Variants in PDE3B observed in about 807,000 individuals in gnomAD.
The protein encoded by PDE3B is cGMP-inhibited 3',5'-cyclic phosphodiesterase 3B.
Under a neutral mutation model 116.8 loss-of-function variants are expected in PDE3B, and 66 were observed. That is an observed-to-expected ratio of 0.56 (90% CI 0.46 to 0.69). PDE3B has a LOEUF of 0.69. PDE3B is among the 30% of genes least tolerant of loss of function. PDE3B has a pLI of 0.00. For synonymous variants in PDE3B, 595 were observed against 533.6 expected (o/e 1.12, Z -1.59); for missense variants, 1,384 against 1,368.1 (o/e 1.01, Z -0.18).
At chr11:14,838,231 G>A (rs1433646936) in intron 11 of PDE3B, among the ~76,000 whole-genome samples, 6 of 151,864 alleles carry the variant, frequency 4.0e-5, no homozygotes, top group African/African-American at 1.5e-4. Flanking sequence ...TGCCCGCCTC[G>A]GCCTCCCAAA....
At chr11:14,714,577 C>T (rs1010216254) in intron 1 of PDE3B, among the ~76,000 whole-genome samples, 2 of 150,588 alleles carry the variant, frequency 1.3e-5, no homozygotes, top group Admixed American at 6.6e-5. Flanking sequence ...ATGTTTTATA[C>T]CCTCAGATTT....
intron 7 of PDE3B, among the ~76,000 whole-genome samples, chr11:14,826,109 C>T (rs541240387): frequency 1.3e-5 from 2 of 152,278 alleles, no homozygotes; most frequent in East Asian, 3.9e-4. Context: ...CTCTGGGACA[C>T]AGCCAAGGCA....
chr11:14,705,289 G>A (rs1855495192), intron 1 of PDE3B, among the ~76,000 whole-genome samples: 2 of 151,782 alleles, frequency 1.3e-5, no homozygotes, highest in South Asian at 4.1e-4. Flanking sequence ...TAAACAAATT[G>A]TGCTCTATCC....
chr11:14,694,481 G>A (rs1177273481), intron 1 of PDE3B, among the ~76,000 whole-genome samples: 1 of 152,130 alleles, frequency 6.6e-6, no homozygotes, highest in Non-Finnish European at 1.5e-5. Flanking sequence ...ATTGAGGCAA[G>A]ACCTCCCACC....
At chr11:14,706,522 G>C (rs540119825) in intron 1 of PDE3B, among the ~76,000 whole-genome samples, 1 of 151,866 alleles carries the variant, frequency 6.6e-6, no homozygotes, top group East Asian at 1.9e-4. Context: ...CGGGCACATA[G>C]TAACTACTCA....
intron 5 of PDE3B, among the ~76,000 whole-genome samples, chr11:14,814,490 C>T (rs1859252786): frequency 6.6e-6 from 1 of 152,040 alleles, no homozygotes; most frequent in African/African-American, 2.4e-5. Flanking sequence ...ACACCATTTA[C>T]CACAGCATCA....
chr11:14,836,695 C>T (rs540223128), intron 11 of PDE3B, among the ~76,000 whole-genome samples: 1 of 152,362 alleles, frequency 6.6e-6, no homozygotes, highest in East Asian at 1.9e-4. Flanking sequence ...AAAGGCTTCA[C>T]TGGAGTAAAA....
intron 1 of PDE3B, among the ~76,000 whole-genome samples, chr11:14,757,269 G>T (rs375508550): frequency 0.13 from 19,524 of 149,574 alleles, 1,436 homozygotes; most frequent in African/African-American, 0.2. Flanking sequence ...ACATACGTGT[G>T]CATGTGTCTT....
chr11:14,892,357 A>C, the PDE3B span: 1 of 712,770 alleles, frequency 1.4e-6, no homozygotes, highest in Non-Finnish European at 2.3e-6. Flanking sequence ...CCCCTTCGGG[A>C]CAACTACCTT....
intron 4 of PDE3B, among the ~76,000 whole-genome samples, chr11:14,797,781 T>C (rs56048134): frequency 0.13 from 20,148 of 152,194 alleles, 1,538 homozygotes; most frequent in African/African-American, 0.2. Context: ...ATTGATTTTT[T>C]ATCCTGACAC....
downstream of PDE3B, among the ~76,000 whole-genome samples, chr11:14,872,559 C>G (rs1555009229): frequency 6.6e-6 from 1 of 152,144 alleles, no homozygotes; most frequent in African/African-American, 2.4e-5. Flanking sequence ...GCCACTTAAA[C>G]TTTATTCCTA....
chr11:14,812,291 C>T (rs1019978215), intron 5 of PDE3B, among the ~76,000 whole-genome samples: 4 of 152,084 alleles, frequency 2.6e-5, no homozygotes, highest in Non-Finnish European at 2.9e-5. Context: ...TTAAAAAACA[C>T]GTAAGCATGT....
chr11:14,696,477 G>A (rs1452056551), intron 1 of PDE3B, among the ~76,000 whole-genome samples: 5 of 152,062 alleles, frequency 3.3e-5, no homozygotes, highest in African/African-American at 7.2e-5. Context: ...GAAGTCTTTC[G>A]CCATTCTGGG....
rs765686719 is a variant in PDE3B at position 14,832,851 on chromosome 11, T to C, written c.2206+18T>C. Reference sequence around the variant, plus strand: ...CATTCCTTGTAAGTATTAACATATTTTATTATTTAAGTTCAAATAATATGG... The same window carrying C: ...CATTCCTTGTAAGTATTAACATATTCTATTATTTAAGTTCAAATAATATGG... On this transcript the variant is annotated intron_variant, in intron 10 of 15. Coordinates refer to ENST00000282096, the MANE Select transcript of PDE3B (RefSeq NM_000922.4). 1 of 1,081,674 alleles carries C rather than the reference T, an allele frequency of 9.2e-7. No homozygotes were observed. The highest frequency in any genetic ancestry group is 1.4e-5 in the South Asian group (1 of 73,354). 67.0% of individuals were successfully genotyped at this position (1,081,674 alleles called of 1,614,324 possible). A position where few individuals can be genotyped will look rare whatever the true frequency, so the allele number is the denominator to read the frequency against.
the PDE3B span, among the ~76,000 whole-genome samples, chr11:14,890,220 G>GA: frequency 7.5e-4 from 111 of 147,342 alleles, no homozygotes; most frequent in Non-Finnish European, 1.1e-3. Flanking sequence ...TCACTACCGA[G>GA]AAAAAAAAAA....
downstream of PDE3B, among the ~76,000 whole-genome samples, chr11:14,874,037 C>CT (rs1244891294): frequency 1.3e-5 from 2 of 152,184 alleles, no homozygotes; most frequent in East Asian, 3.9e-4. Flanking sequence ...CTACCTATTT[C>CT]TTTTTGCATG....
Position 14,644,062 on chromosome 11 carries a change from C to T in PDE3B, c.-14C>T, listed in dbSNP as rs1853277677. The T allele has an allele frequency of 6.7e-7, 1 of 1,502,660 alleles. No homozygotes were observed. Among genetic ancestry groups the T allele is most frequent in the Non-Finnish European group, 8.8e-7 (1 of 1,136,840 alleles). 93.1% of individuals were successfully genotyped at this position (1,502,660 alleles called of 1,614,324 possible). The stretch of plus-strand genomic sequence containing the variant: ...GGGGTGTGCTGAGTCCCGTGGCCAC[C>T]CCCGGCCCCAGCCATGAGGAGGGAC... On this transcript the variant is annotated 5_prime_UTR_variant, in exon 1 of 16. Coordinates refer to ENST00000282096, the MANE Select transcript of PDE3B (RefSeq NM_000922.4).
intron 2 of PDE3B, among the ~76,000 whole-genome samples, chr11:14,778,000 G>A (rs1368502736): frequency 6.6e-6 from 1 of 152,142 alleles, no homozygotes. Flanking sequence ...CTTAGCAAAC[G>A]GCACACCAGG....
chr11:14,690,068 TACTC>T (rs1285130331), intron 1 of PDE3B, among the ~76,000 whole-genome samples: 1 of 152,190 alleles, frequency 6.6e-6, no homozygotes, highest in Non-Finnish European at 1.5e-5. Flanking sequence ...ATACTGGTGT[TACTC>T]ACTGTGTTAA....
Sources: allele counts gnomAD v4.1 joint callset (sites outside exome capture counted in the v4.1 genomes callset), GRCh38; gene constraint gnomAD v4.1.1; transcripts MANE v1.5; gene names NCBI Gene and HGNC (gene_info 2026-07-23, HGNC 2026-07-21).